Variants in NKAIN2 observed in about 807,000 individuals in gnomAD.
NKAIN2 encodes sodium/potassium-transporting ATPase subunit beta-1-interacting protein 2.
In NKAIN2, 14 loss-of-function variants were observed where a neutral mutation model predicts 32.6. The observed-to-expected ratio is 0.43, with a 90% CI of 0.28 to 0.67. The LOEUF (loss-of-function observed/expected upper bound fraction) is 0.67, where lower values mean the gene tolerates loss of function less well. Among genes scored for constraint, NKAIN2 ranks in the 30% least tolerant of loss-of-function variants. The probability of loss-of-function intolerance (pLI) is 0.17; values close to 1 mark genes in which losing one functional copy is unlikely to be tolerated. For synonymous variants in NKAIN2, 80 were observed against 87.2 expected, an observed-to-expected ratio of 0.92 and a Z score of 0.46; for missense variants, 198 against 258.3, an observed-to-expected ratio of 0.77 and a Z score of 1.60.
At chr6:124,706,796 C>T (rs1775096933) in intron 4 of NKAIN2, among the ~76,000 whole-genome samples, 1 of 152,078 alleles carries the variant, frequency 6.6e-6, no homozygotes, top group Non-Finnish European at 1.5e-5. Context: ...TAAAATAAAA[C>T]AGACTGAATG....
intron 4 of NKAIN2, among the ~76,000 whole-genome samples, chr6:124,765,142 A>T (rs1778453319): frequency 6.6e-6 from 1 of 152,228 alleles, no homozygotes; most frequent in Non-Finnish European, 1.5e-5. Flanking sequence ...ATATTTGGAT[A>T]TTTGGATCTC....
rs1775140385 is a variant in NKAIN2 at position 123,847,448 on chromosome 6, A to G, written c.54+43194A>G. 2.0e-5 allele frequency among the ~76,000 whole-genome samples: 3 copies of G among 152,160 alleles called. No homozygotes were observed. The South Asian group carries it at 6.2e-4, about 32-fold the overall frequency. ...AGTGGCATGTATCCCGGCGGATGGA[A>G]CTTTCTGCTTGGAATTAGAAGACTA... On this transcript the variant is annotated intron_variant, in intron 1 of 6. Transcript: ENST00000368417.
At chr6:123,845,447 T>G (rs1775049234) in intron 1 of NKAIN2, among the ~76,000 whole-genome samples, 2 of 152,218 alleles carry the variant, frequency 1.3e-5, no homozygotes, top group South Asian at 2.1e-4. Context: ...TGCGTTTTCC[T>G]TTTATACTTA....
At position 124,129,543 on chromosome 6, in the gene NKAIN2, G is replaced by A. The variant is rs7768097; in HGVS notation, c.55-153462G>A. 2.4e-3 allele frequency among the ~76,000 whole-genome samples: 359 copies of A among 152,248 alleles called. 3 individuals carry two copies. The highest frequency in any genetic ancestry group is 8.3e-3 in the African/African-American group (345 of 41,546). ...CACCCCCCTCAGTTGAAGATTTAGA[G>A]TTTGCTACTCCAGAATTAGGACAAC... On this transcript the variant is annotated intron_variant, in intron 1 of 6. Coordinates refer to ENST00000368417, the MANE Select transcript of NKAIN2 (RefSeq NM_001040214.3).
At chr6:124,422,647 A>G (rs1583228218) in intron 3 of NKAIN2, among the ~76,000 whole-genome samples, 1 of 152,258 alleles carries the variant, frequency 6.6e-6, no homozygotes, top group African/African-American at 2.4e-5. Flanking sequence ...GAAAAGAAAA[A>G]CAAAACAACA....
intron 3 of NKAIN2, among the ~76,000 whole-genome samples, chr6:124,365,833 A>G (rs980324517): frequency 2.0e-5 from 3 of 152,084 alleles, no homozygotes; most frequent in African/African-American, 7.2e-5. Flanking sequence ...CTATAGAATT[A>G]AGCTAGAAAA....
chr6:124,766,818 A>C (rs1337487592), intron 4 of NKAIN2, among the ~76,000 whole-genome samples: 1 of 152,218 alleles, frequency 6.6e-6, no homozygotes, highest in Non-Finnish European at 1.5e-5. Context: ...AAAGGAATTG[A>C]AATCAGAGAT....
intron 2 of NKAIN2, among the ~76,000 whole-genome samples, chr6:124,348,943 A>G (rs575591435): frequency 3.2e-4 from 48 of 152,246 alleles, no homozygotes; most frequent in Admixed American, 7.8e-4. Context: ...CCAGGAGATT[A>G]TATCCCACAC....
intron 1 of NKAIN2, among the ~76,000 whole-genome samples, chr6:124,179,965 G>A (rs1789355544): frequency 6.6e-6 from 1 of 152,160 alleles, no homozygotes; most frequent in Non-Finnish European, 1.5e-5. Context: ...AAGAGATTTA[G>A]ATATTGCATA....
chr6:124,399,356 G>A (rs1448765263), intron 3 of NKAIN2, among the ~76,000 whole-genome samples: 1 of 152,182 alleles, frequency 6.6e-6, no homozygotes, highest in African/African-American at 2.4e-5. Context: ...TCTAATAATT[G>A]AGGGTCAATT....
intron 3 of NKAIN2, among the ~76,000 whole-genome samples, chr6:124,645,979 T>C (rs529493292): frequency 1.3e-5 from 2 of 152,362 alleles, no homozygotes; most frequent in South Asian, 2.1e-4. Flanking sequence ...TTTACTTGAA[T>C]TTATTTTCCT....
At chr6:124,084,006 A>G (rs967127679) in intron 1 of NKAIN2, among the ~76,000 whole-genome samples, 1 of 152,006 alleles carries the variant, frequency 6.6e-6, no homozygotes, top group South Asian at 2.1e-4. Flanking sequence ...CAATAAAGCT[A>G]TAACAGAAGG....
intron 3 of NKAIN2, among the ~76,000 whole-genome samples, chr6:124,443,734 G>T (rs1405487944): frequency 1.3e-5 from 2 of 152,076 alleles, no homozygotes; most frequent in African/African-American, 4.8e-5. Flanking sequence ...CAGGAAACGT[G>T]TCATAAATTT....
At chr6:124,323,446 A>G (rs1274407609) in intron 2 of NKAIN2, among the ~76,000 whole-genome samples, 1 of 152,174 alleles carries the variant, frequency 6.6e-6, no homozygotes, top group Non-Finnish European at 1.5e-5. Context: ...TTTAAATCTC[A>G]TCCATTTTGA....
chr6:123,924,499 T>A (rs916795356), intron 1 of NKAIN2, among the ~76,000 whole-genome samples: 8 of 152,226 alleles, frequency 5.3e-5, no homozygotes, highest in African/African-American at 1.9e-4. Flanking sequence ...AGCTTTATAA[T>A]CTATACAGAA....
chr6:124,535,296 A>G (rs1324689359), intron 3 of NKAIN2, among the ~76,000 whole-genome samples: 1 of 152,226 alleles, frequency 6.6e-6, no homozygotes, highest in African/African-American at 2.4e-5. Context: ...CTGAGTTCAC[A>G]AGAGGCTTTG....
At position 124,824,598 on chromosome 6, in the gene NKAIN2, T is replaced by C. The variant is rs1011848657; in HGVS notation, c.*1369T>C. 2 of 152,200 alleles carry C rather than the reference T, an allele frequency of 1.3e-5. No homozygotes were observed. Among genetic ancestry groups the C allele is most frequent in the African/African-American group, 4.8e-5 (2 of 41,456 alleles). The allele number at this position is 152,200 out of a possible 1,614,324, so 9.4% of individuals were successfully genotyped here. A position where few individuals can be genotyped will look rare whatever the true frequency, so the allele number is the denominator to read the frequency against. ...TCTATATTTTAAAGCATTATTTGGTTTTCATTAGTGGAAAACATAATTAGC... is the reference window on the plus strand; with the variant it reads ...TCTATATTTTAAAGCATTATTTGGTCTTCATTAGTGGAAAACATAATTAGC... On this transcript the variant is annotated 3_prime_UTR_variant, in exon 7 of 7. Coordinates refer to ENST00000368417, the MANE Select transcript of NKAIN2 (RefSeq NM_001040214.3).
intron 1 of NKAIN2, among the ~76,000 whole-genome samples, chr6:124,219,081 G>A (rs1268786308): frequency 6.6e-6 from 1 of 151,986 alleles, no homozygotes; most frequent in Non-Finnish European, 1.5e-5. Context: ...TCAACACGTG[G>A]GAATAACAGG....
chr6:124,636,848 C>CA (rs1282069161), intron 3 of NKAIN2, among the ~76,000 whole-genome samples: 1 of 151,906 alleles, frequency 6.6e-6, no homozygotes, highest in East Asian at 1.9e-4. Context: ...AACTATTTCA[C>CA]AAAAACTGAA....
Sources: allele counts gnomAD v4.1 joint callset (sites outside exome capture counted in the v4.1 genomes callset), GRCh38; gene constraint gnomAD v4.1.1; transcripts MANE v1.5; gene names NCBI Gene and HGNC (gene_info 2026-07-23, HGNC 2026-07-21).